Variants in ASTN2 observed in about 807,000 individuals in gnomAD.
The protein encoded by ASTN2 is astrotactin 2.
Under a neutral mutation model 139.8 loss-of-function variants are expected in ASTN2, and 54 were observed. The observed-to-expected ratio is 0.39, with a 90% CI of 0.31 to 0.48. The LOEUF is 0.48. Among genes scored for constraint, ASTN2 ranks in the 20% least tolerant of loss-of-function variants. The pLI is 0.95. For missense variants in ASTN2, 1,565 were observed against 1,725.1 expected (o/e 0.91, Z 1.64); for synonymous variants, 756 against 719.5 (o/e 1.05, Z -0.81).
intron 20 of ASTN2, among the ~76,000 whole-genome samples, chr9:116,447,426 T>C (rs1223141425): frequency 6.6e-6 from 1 of 152,180 alleles, no homozygotes; most frequent in African/African-American, 2.4e-5. Flanking sequence ...CTACACCTGG[T>C]GCACCAACGC....
intron 22 of ASTN2, among the ~76,000 whole-genome samples, chr9:116,430,909 G>C (rs752849420): frequency 2.0e-5 from 3 of 152,202 alleles, no homozygotes; most frequent in Non-Finnish European, 2.9e-5. Context: ...CAAAAGGTCA[G>C]GCATGCTTCA....
chr9:117,310,262 C>T (rs1469104043), intron 1 of ASTN2, among the ~76,000 whole-genome samples: 1 of 152,136 alleles, frequency 6.6e-6, no homozygotes, highest in Non-Finnish European at 1.5e-5. Context: ...CCTATAGCCC[C>T]AGGGGTGGAA....
intron 10 of ASTN2, among the ~76,000 whole-genome samples, chr9:116,889,590 T>C (rs138607837): frequency 1.3e-5 from 2 of 152,174 alleles, no homozygotes; most frequent in Non-Finnish European, 2.9e-5. Context: ...CCTGGTATAA[T>C]AAATGTTTAG....
At chr9:116,846,604 C>A (rs928390132) in intron 11 of ASTN2, among the ~76,000 whole-genome samples, 9 of 152,320 alleles carry the variant, frequency 5.9e-5, no homozygotes, top group Non-Finnish European at 1.2e-4. Flanking sequence ...TATATGCTGG[C>A]TACTTTTCCC....
At position 116,492,100 on chromosome 9, in the gene ASTN2, G is replaced by A. The variant is rs538711748; in HGVS notation, c.3356-4600C>T. ...GTTTTTCTCTCTTTTTTTTTTTTTT[G>A]AGAAAAAGTCTTTCTCTATTGCCCA... is the stretch of plus-strand genomic sequence containing the variant. On this transcript the variant is annotated intron_variant, in intron 19 of 22. Transcript: ENST00000313400. Among the ~76,000 whole-genome samples, 118 of 121,282 alleles carry A rather than the reference G, an allele frequency of 9.7e-4. 1 individual carries two copies. Among genetic ancestry groups the A allele is most frequent in the African/African-American group, 3.9e-3 (112 of 28,474 alleles). 79.6% of individuals were successfully genotyped at this position (121,282 alleles called of 152,430 possible).
chr9:116,703,408 A>ATT (rs1306185348), intron 16 of ASTN2, among the ~76,000 whole-genome samples: 1 of 151,662 alleles, frequency 6.6e-6, no homozygotes, highest in Non-Finnish European at 1.5e-5. Flanking sequence ...GGTTGCGAAA[A>ATT]TTTTCTCCCA....
At chr9:117,121,994 T>G (rs7033011) in intron 4 of ASTN2, among the ~76,000 whole-genome samples, 11,401 of 152,198 alleles carry the variant, frequency 0.075, 737 homozygotes, top group East Asian at 0.18. Context: ...GGTCATATAA[T>G]TTGACATGGG....
At chr9:117,233,225 C>G (rs1253122803) in intron 2 of ASTN2, among the ~76,000 whole-genome samples, 1 of 152,146 alleles carries the variant, frequency 6.6e-6, no homozygotes, top group African/African-American at 2.4e-5. Context: ...TCCAATTCCC[C>G]CAAGCGAGCA....
At chr9:116,629,293 AT>A (rs1234192555) in intron 17 of ASTN2, among the ~76,000 whole-genome samples, 1 of 151,706 alleles carries the variant, frequency 6.6e-6, no homozygotes, top group Non-Finnish European at 1.5e-5. Flanking sequence ...AATTTTTTGC[AT>A]TTTTGGTAGA....
chr9:117,046,845 G>A (rs1465515421), intron 5 of ASTN2, among the ~76,000 whole-genome samples: 1 of 152,200 alleles, frequency 6.6e-6, no homozygotes, highest in Admixed American at 6.5e-5. Flanking sequence ...GAATGAATGA[G>A]TGAATGCTTA....
chr9:116,820,593 T>G (rs3765537), intron 12 of ASTN2, 24 bp downstream of exon 12: 1,146,227 of 1,606,378 alleles, frequency 0.71, 410,674 homozygotes, highest in Admixed American at 0.84. Context: ...ATGGGGCACC[T>G]GGGCCTTGGG....
At chr9:116,504,571 C>T (rs909708188) in intron 19 of ASTN2, among the ~76,000 whole-genome samples, 3 of 152,126 alleles carry the variant, frequency 2.0e-5, no homozygotes, top group East Asian at 1.9e-4. Context: ...TTCTATCTTA[C>T]ACTCTCAAGT....
intron 10 of ASTN2, among the ~76,000 whole-genome samples, chr9:116,904,091 G>C (rs1185540516): frequency 2.6e-5 from 4 of 152,236 alleles, no homozygotes; most frequent in Non-Finnish European, 5.9e-5. Context: ...CCAGAATCAT[G>C]TCAGAATGTG....
intron 4 of ASTN2, among the ~76,000 whole-genome samples, chr9:117,100,826 A>C (rs1207195236): frequency 6.6e-6 from 1 of 152,230 alleles, no homozygotes; most frequent in African/African-American, 2.4e-5. Flanking sequence ...CTCTCAAGGC[A>C]CTTGGAGTCT....
chr9:117,385,931 A>G (rs565436908), intron 1 of ASTN2, among the ~76,000 whole-genome samples: 24 of 152,202 alleles, frequency 1.6e-4, no homozygotes, highest in African/African-American at 5.8e-4. Context: ...ATGCCCAGGA[A>G]GCTTTGGGGC....
rs10527124 is a variant in ASTN2 at position 116,623,147 on chromosome 9, C to CTGTGTG, written c.3073-2710_3073-2705dup. The stretch of plus-strand genomic sequence containing the variant: ...GCAATGGGAAGAGAGAGAGCATACT[C>CTGTGTG]TGTGTGTGTGTGTGTGTGTGTGTGT... On this transcript the variant is annotated intron_variant, in intron 17 of 22. Transcript: ENST00000313400. Among the ~76,000 whole-genome samples the CTGTGTG allele has an allele frequency of 1.2e-3, 160 of 137,198 alleles. 1 individual carries two copies. The highest frequency in any genetic ancestry group is 9.0e-3 in the East Asian group (40 of 4,458). The allele number at this position is 137,198 out of a possible 152,430, so 90.0% of individuals were successfully genotyped here.
intron 1 of ASTN2, among the ~76,000 whole-genome samples, chr9:117,382,934 G>T (rs1830308321): frequency 6.6e-6 from 1 of 152,254 alleles, no homozygotes; most frequent in East Asian, 1.9e-4. Context: ...ACAAAAGAAT[G>T]AATACTATAT....
chr9:117,112,048 A>G (rs998233777), intron 4 of ASTN2, among the ~76,000 whole-genome samples: 3 of 151,924 alleles, frequency 2.0e-5, no homozygotes, highest in Non-Finnish European at 2.9e-5. Context: ...AATAGTGTAG[A>G]AAAAACTCTC....
In ASTN2 at chr9:116,861,214, T is replaced by TACACACAC. The variant is rs60909208; in HGVS notation, c.2040+2361_2040+2368dup. 1.2e-3 allele frequency among the ~76,000 whole-genome samples: 176 copies of TACACACAC among 143,766 alleles called. 7 individuals are homozygous for TACACACAC. The highest frequency in any genetic ancestry group is 7.4e-3 in the Middle Eastern group (2 of 270). The allele number at this position is 143,766 out of a possible 152,430, so 94.3% of individuals were successfully genotyped here. On this transcript the variant is annotated intron_variant, in intron 11 of 22. Coordinates refer to ENST00000313400, the MANE Select transcript of ASTN2 (RefSeq NM_001365068.1). The stretch of plus-strand genomic sequence containing the variant: ...AAGACAAAGAGAGACAAGCCCAAGC[T>TACACACAC]ACACACACACACACACACACACACA...
Sources: allele counts gnomAD v4.1 joint callset (sites outside exome capture counted in the v4.1 genomes callset), GRCh38; gene constraint gnomAD v4.1.1; transcripts MANE v1.5; gene names NCBI Gene and HGNC (gene_info 2026-07-23, HGNC 2026-07-21).